The following RBM33 variants were observed in gnomAD, a reference collection of about 807,000 sequenced individuals.
The protein encoded by RBM33 is RNA-binding protein 33.
In RBM33, 28 loss-of-function variants were observed where a neutral mutation model predicts 132.6. That is an observed-to-expected ratio of 0.21 (90% CI 0.16 to 0.29). The LOEUF (loss-of-function observed/expected upper bound fraction) is 0.29, where lower values mean the gene tolerates loss of function less well. Among genes scored for constraint, RBM33 ranks in the 10% least tolerant of loss-of-function variants. The pLI, the probability that RBM33 is intolerant of heterozygous loss-of-function variation, is 1.00. For synonymous variants in RBM33, 634 were observed against 593.0 expected (o/e 1.07, Z -1.01); for missense variants, 1,291 against 1,518.5 (o/e 0.85, Z 2.49).
In RBM33 at chr7:155,673,798, A is replaced by C. The variant is rs1167134780; in HGVS notation, c.171+883A>C. On this transcript the variant is annotated intron_variant, in intron 3 of 17. Transcript: ENST00000401878. ...CACACACACACACACACACACACAC[A>C]CACCCCTACCAGTATATTTCGGACA... Among the ~76,000 whole-genome samples, 1,294 of 144,044 alleles carry C rather than the reference A, an allele frequency of 9.0e-3. 53 individuals carry two copies. Among genetic ancestry groups the C allele is most frequent in the African/African-American group, 0.034 (1,220 of 35,532 alleles). The allele number at this position is 144,044 out of a possible 152,430, so 94.5% of individuals were successfully genotyped here. A position where few individuals can be genotyped will look rare whatever the true frequency, so the allele number is the denominator to read the frequency against.
At position 155,737,721 on chromosome 7, in the gene RBM33, A is replaced by C. The variant is rs568789288; in HGVS notation, c.1393+59A>C. 26 of 1,467,794 alleles carry C rather than the reference A, an allele frequency of 1.8e-5. No individual in the cohort carries two copies. The African/African-American group carries it at 3.4e-4, about 19-fold the overall frequency. 90.9% of individuals were successfully genotyped at this position (1,467,794 alleles called of 1,614,324 possible). On this transcript the variant is annotated intron_variant, in intron 10 of 17. Transcript: ENST00000401878. The stretch of plus-strand genomic sequence containing the variant: ...AGAAGCTGCATTGGGTGATGTGCCC[A>C]AACACATTTATTTTGTAAACTGAAT...
Position 155,763,794 on chromosome 7 carries a change from CCTT to C in RBM33, c.2980-14_2980-12del. 6.3e-7 allele frequency: 1 copy of C among 1,599,580 alleles called. No homozygotes were observed. The highest frequency in any genetic ancestry group is 8.5e-7 in the Non-Finnish European group (1 of 1,172,980). On this transcript the variant is annotated splice_polypyrimidine_tract_variant and intron_variant, in intron 14 of 17. Transcript: ENST00000401878. ...GGAGCAGACACTGAACAACGTGCTGCCTTCTTGGTTTCAGCAGGGAGGAGAGAG... is the reference window on the plus strand; with the variant it reads ...GGAGCAGACACTGAACAACGTGCTGCCTTGGTTTCAGCAGGGAGGAGAGAG...
chr7:155,744,530 G>A lies in RBM33; in HGVS notation c.2338-431G>A, dbSNP rs976488823. Among the ~76,000 whole-genome samples, 7 of 152,256 alleles carry A rather than the reference G, an allele frequency of 4.6e-5. 1 individual carries two copies. The highest frequency in any genetic ancestry group is 3.9e-4 in the Admixed American group (6 of 15,284). ...TGAGATCAGGCTGAAAATTCTGCACGAAAAATCAATAGTTCTAATCAGAGC... is the reference window on the plus strand; with the variant it reads ...TGAGATCAGGCTGAAAATTCTGCACAAAAAATCAATAGTTCTAATCAGAGC... On this transcript the variant is annotated intron_variant, in intron 13 of 17. Coordinates refer to ENST00000401878, the MANE Select transcript of RBM33 (RefSeq NM_053043.3).
chr7:155,751,012 A>G (rs1448573722), intron 14 of RBM33, among the ~76,000 whole-genome samples: 3 of 152,198 alleles, frequency 2.0e-5, no homozygotes, highest in Non-Finnish European at 4.4e-5. Flanking sequence ...TTGTGGGATC[A>G]TGCATTTATG....
At chr7:155,725,442 G>T (rs1800766898) in intron 9 of RBM33, among the ~76,000 whole-genome samples, 1 of 152,082 alleles carries the variant, frequency 6.6e-6, no homozygotes, top group South Asian at 2.1e-4. Context: ...CTGGAGGCCA[G>T]TTCTCTTAGT....
chr7:155,739,467 G>T, intron 11 of RBM33: 1 of 514,406 alleles, frequency 1.9e-6, no homozygotes, highest in Non-Finnish European at 3.5e-6. Context: ...GAGTTTGTCT[G>T]CATACCTAGT....
chr7:155,681,153 T>A (rs1469083929), intron 5 of RBM33, among the ~76,000 whole-genome samples: 1 of 152,230 alleles, frequency 6.6e-6, no homozygotes, highest in African/African-American at 2.4e-5. Flanking sequence ...GATTGTACCC[T>A]AAGGAAGAAA....
At chr7:155,693,497 G>A (rs897921837) in intron 5 of RBM33, among the ~76,000 whole-genome samples, 1 of 151,860 alleles carries the variant, frequency 6.6e-6, no homozygotes, top group Non-Finnish European at 1.5e-5. Context: ...CTTTTAAACT[G>A]TGTATCTCAT....
At chr7:155,711,142 G>T in intron 7 of RBM33, 61 bp from the exon 8 acceptor site, 1 of 1,440,124 alleles carries the variant, frequency 6.9e-7, no homozygotes, top group South Asian at 1.5e-5. Context: ...TGATTTCGGT[G>T]AACTTTTGTT....
At chr7:155,652,847 T>C (rs1798394000) in intron 1 of RBM33, among the ~76,000 whole-genome samples, 1 of 152,164 alleles carries the variant, frequency 6.6e-6, no homozygotes, top group African/African-American at 2.4e-5. Flanking sequence ...ATATGACTGC[T>C]ATGAACTGGA....
At chr7:155,757,334 C>G (rs1459199926) in intron 14 of RBM33, among the ~76,000 whole-genome samples, 1 of 151,848 alleles carries the variant, frequency 6.6e-6, no homozygotes, top group African/African-American at 2.4e-5. Context: ...CATGCTAAGT[C>G]AAAAGGGAAT....
chr7:155,767,789 A>G (rs1802274047), intron 16 of RBM33, among the ~76,000 whole-genome samples: 1 of 152,226 alleles, frequency 6.6e-6, no homozygotes, highest in Non-Finnish European at 1.5e-5. Flanking sequence ...AGCTATTAGA[A>G]GCGTACAGTG....
Position 155,740,034 on chromosome 7 carries a change from T to A in RBM33, c.2049+8T>A, listed in dbSNP as rs1801278424. ...CGCCAGGGGCTCCGGCATGTAAGTG[T>A]CAAGGGGTGTCTTCCCTGTGTCTTC... On this transcript the variant is annotated splice_region_variant and intron_variant, in intron 12 of 17. Transcript: ENST00000401878. 1 of 1,525,654 alleles carries A rather than the reference T, an allele frequency of 6.6e-7. No individual in the cohort carries two copies. The allele number at this position is 1,525,654 out of a possible 1,614,324, so 94.5% of individuals were successfully genotyped here. A position where few individuals can be genotyped will look rare whatever the true frequency, so the allele number is the denominator to read the frequency against.
At chr7:155,672,140 A>C (rs1798959198) in intron 2 of RBM33, among the ~76,000 whole-genome samples, 1 of 152,052 alleles carries the variant, frequency 6.6e-6, no homozygotes, top group Admixed American at 6.6e-5. Flanking sequence ...GATGAATGTC[A>C]AACGGTCTCT....
intron 7 of RBM33, 92 bp from the exon 8 acceptor site, chr7:155,711,111 C>T: frequency 7.1e-7 from 1 of 1,409,252 alleles, no homozygotes; most frequent in African/African-American, 1.5e-5. Context: ...ATTTGTAACA[C>T]ATCAGCATTC....
Position 155,672,931 on chromosome 7 carries a change from C to T in RBM33, c.171+16C>T. 1.3e-6 allele frequency: 2 copies of T among 1,514,808 alleles called. No homozygotes were observed. Among genetic ancestry groups the T allele is most frequent in the African/African-American group, 2.8e-5 (2 of 72,162 alleles). 93.8% of individuals were successfully genotyped at this position (1,514,808 alleles called of 1,614,324 possible). ...TGGCAAAAAGGTAAGAAGTTTATGT[C>T]CTTCTGAGATGAAATACTAGTCATT... On this transcript the variant is annotated intron_variant, in intron 3 of 17. Transcript: ENST00000401878.
intron 14 of RBM33, among the ~76,000 whole-genome samples, chr7:155,757,378 T>G (rs1175851969): frequency 6.6e-6 from 1 of 152,230 alleles, no homozygotes; most frequent in African/African-American, 2.4e-5. Flanking sequence ...AAAATTCATT[T>G]TTTTCTTACA....
chr7:155,685,819 C>G (rs963164587), intron 5 of RBM33, among the ~76,000 whole-genome samples: 1 of 152,174 alleles, frequency 6.6e-6, no homozygotes, highest in East Asian at 1.9e-4. Context: ...ATACAGTTTT[C>G]ATCTTTTGTC....
At position 155,680,315 on chromosome 7, in the gene RBM33, C is replaced by T. The variant is rs115980539; in HGVS notation, c.249-275C>T. 6.3e-3 allele frequency among the ~76,000 whole-genome samples: 958 copies of T among 152,282 alleles called. 8 individuals are homozygous for T. The highest frequency in any genetic ancestry group is 0.021 in the African/African-American group (889 of 41,560). Reference sequence around the variant, plus strand: ...TGATTTAATTCATTTGGTCAAATAACCTGCAGCTGGTGATAAGTAGAGGGG... The same window carrying T: ...TGATTTAATTCATTTGGTCAAATAATCTGCAGCTGGTGATAAGTAGAGGGG... On this transcript the variant is annotated intron_variant, in intron 4 of 17. Coordinates refer to ENST00000401878, the MANE Select transcript of RBM33 (RefSeq NM_053043.3).
Sources: allele counts gnomAD v4.1 joint callset (sites outside exome capture counted in the v4.1 genomes callset), GRCh38; gene constraint gnomAD v4.1.1; transcripts MANE v1.5; gene names NCBI Gene and HGNC (gene_info 2026-07-23, HGNC 2026-07-21).